Variants in CDH1 observed in about 807,000 individuals in gnomAD.
CDH1 encodes cadherin-1.
A neutral mutation model predicts 84.5 loss-of-function variants in CDH1; 35 were observed. That is an observed-to-expected ratio of 0.41 (90% CI 0.32 to 0.55). CDH1 has a LOEUF of 0.55. Ranked by LOEUF, CDH1 falls within the 20% of genes least tolerant of loss-of-function variation. CDH1 has a pLI of 0.19. For missense variants in CDH1, 994 were observed against 1,126.6 expected (o/e 0.88, Z 1.68); for synonymous variants, 417 against 439.0 (o/e 0.95, Z 0.63).
intron 2 of CDH1, among the ~76,000 whole-genome samples, chr16:68,791,542 C>T (rs1464124420): frequency 1.3e-5 from 2 of 151,614 alleles, no homozygotes; most frequent in Non-Finnish European, 2.9e-5. Context: ...CCTGCCTCAG[C>T]CTCCTAAATA....
intron 2 of CDH1, among the ~76,000 whole-genome samples, chr16:68,793,061 CAG>C (rs1271832601): frequency 1.3e-5 from 2 of 152,158 alleles, no homozygotes; most frequent in African/African-American, 2.4e-5. Flanking sequence ...CGCCTGTCAA[CAG>C]GGGTGCAGGA....
intron 2 of CDH1, among the ~76,000 whole-genome samples, chr16:68,757,251 G>C (rs1963039261): frequency 6.6e-6 from 1 of 151,972 alleles, no homozygotes; most frequent in Non-Finnish European, 1.5e-5. Flanking sequence ...ACCATGCCCG[G>C]CTAATTTTTG....
chr16:68,811,665 T>C lies in CDH1; in HGVS notation c.833-19T>C, dbSNP rs762712874. The stretch of plus-strand genomic sequence containing the variant: ...AAAGTGCAGCTTGTCTAAACCTTCA[T>C]CTCCTTGAACTCTTCCAGGAACCTC... On this transcript the variant is annotated intron_variant, in intron 6 of 15. Coordinates refer to ENST00000261769, the MANE Select transcript of CDH1 (RefSeq NM_004360.5). The C allele has an allele frequency of 3.1e-6, 5 of 1,612,700 alleles. No individual in the cohort carries two copies. In the South Asian group the frequency reaches 5.5e-5, roughly 18 times the overall value.
intron 2 of CDH1, among the ~76,000 whole-genome samples, chr16:68,794,258 C>T (rs1000708209): frequency 3.3e-5 from 5 of 152,006 alleles, no homozygotes; most frequent in Admixed American, 6.6e-5. Flanking sequence ...CTAGGGTGGT[C>T]TCAAACTCCT....
At chr16:68,780,972 C>T (rs867339663) in intron 2 of CDH1, among the ~76,000 whole-genome samples, 2 of 152,088 alleles carry the variant, frequency 1.3e-5, no homozygotes, top group African/African-American at 2.4e-5. Flanking sequence ...GTAGAGAAGA[C>T]GCCGTAGCAA....
intron 13 of CDH1, among the ~76,000 whole-genome samples, chr16:68,826,085 G>C (rs956362018): frequency 6.6e-6 from 1 of 152,058 alleles, no homozygotes; most frequent in African/African-American, 2.4e-5. Flanking sequence ...CTTCCAAAGT[G>C]TTGGGATTAT....
intron 13 of CDH1, among the ~76,000 whole-genome samples, chr16:68,827,619 A>G (rs1267543210): frequency 1.3e-5 from 2 of 152,160 alleles, no homozygotes; most frequent in Admixed American, 1.3e-4. Flanking sequence ...CCCACTCCCC[A>G]TAGCTGGTTA....
At chr16:68,758,748 C>T (rs919233446) in intron 2 of CDH1, among the ~76,000 whole-genome samples, 1 of 151,798 alleles carries the variant, frequency 6.6e-6, no homozygotes, top group Non-Finnish European at 1.5e-5. Context: ...CCCCTTATCA[C>T]TTTGCTCTTG....
intron 2 of CDH1, among the ~76,000 whole-genome samples, chr16:68,740,280 A>AT (rs972877845): frequency 2.8e-4 from 42 of 150,236 alleles, no homozygotes; most frequent in African/African-American, 3.4e-4. Flanking sequence ...TTGTCTTTAC[A>AT]TTTTTTTTTT....
chr16:68,790,497 A>C (rs1017176450), intron 2 of CDH1, among the ~76,000 whole-genome samples: 1 of 152,148 alleles, frequency 6.6e-6, no homozygotes, highest in Non-Finnish European at 1.5e-5. Flanking sequence ...GTTGTTACGC[A>C]TGCAGCCACA....
At chr16:68,788,330 G>A (rs536667068) in intron 2 of CDH1, among the ~76,000 whole-genome samples, 3 of 152,274 alleles carry the variant, frequency 2.0e-5, no homozygotes, top group Admixed American at 2.0e-4. Flanking sequence ...CACTGTAAGT[G>A]TACAGTTAGA....
intron 2 of CDH1, among the ~76,000 whole-genome samples, chr16:68,740,528 AG>A (rs1293307461): frequency 3.3e-5 from 5 of 152,022 alleles, no homozygotes; most frequent in African/African-American, 1.2e-4. Flanking sequence ...TTGGAGAGCA[AG>A]GCAGGGGCTA....
intron 2 of CDH1, among the ~76,000 whole-genome samples, chr16:68,753,236 A>G (rs1196402030): frequency 1.4e-5 from 2 of 144,678 alleles, no homozygotes; most frequent in Admixed American, 1.4e-4. Context: ...AAAAAAAGCA[A>G]GGCCTGCTTA....
chr16:68,819,962 G>A (rs1478651100), intron 11 of CDH1, among the ~76,000 whole-genome samples: 1 of 152,132 alleles, frequency 6.6e-6, no homozygotes, highest in Non-Finnish European at 1.5e-5. Flanking sequence ...ACTTAGAGAG[G>A]CTGAGGTGGG....
chr16:68,819,403 C>T lies in CDH1; in HGVS notation c.1689C>T (p.Ala563=), dbSNP rs587780786. ...ACGTGAAGAACAGCACGTACACAGC[C>T]CTAATCATAGCTACAGACAATGGTA... ...FEHVKNSTYT[A]LIIATDNGSP... The change falls in exon 11 of 16, where the codon GCC becomes GCT. Residue 563 remains alanine (A), a synonymous_variant. Coordinates refer to ENST00000261769, the MANE Select transcript of CDH1 (RefSeq NM_004360.5). 2.7e-5 allele frequency: 44 copies of T among 1,613,558 alleles called. No individual in the cohort carries two copies. Among genetic ancestry groups the T allele is most frequent in the Non-Finnish European group, 3.5e-5 (41 of 1,180,032 alleles).
intron 2 of CDH1, among the ~76,000 whole-genome samples, chr16:68,785,402 G>T (rs1213359427): frequency 6.6e-6 from 1 of 152,106 alleles, no homozygotes; most frequent in Non-Finnish European, 1.5e-5. Context: ...ATGTTGGCCA[G>T]GCTGGTCTCC....
chr16:68,747,357 G>A (rs745443447), intron 2 of CDH1, among the ~76,000 whole-genome samples: 13 of 151,994 alleles, frequency 8.6e-5, no homozygotes, highest in Non-Finnish European at 1.3e-4. Flanking sequence ...AGAGGCAGCT[G>A]GGCCAGGGTA....
chr16:68,829,547 G>A (rs1961420022), intron 14 of CDH1, 107 bp from the exon 15 acceptor site: 1 of 1,060,316 alleles, frequency 9.4e-7, no homozygotes, highest in South Asian at 1.3e-5. Context: ...TCATACAGTT[G>A]GCAGTGAAGG....
intron 15 of CDH1, 95 bp from the exon 16 acceptor site, chr16:68,833,195 C>T (rs899703294): frequency 7.8e-6 from 8 of 1,020,886 alleles, no homozygotes; most frequent in Middle Eastern, 2.6e-4. Context: ...AGTCTGGGTG[C>T]ATTGTCGTAC....
Sources: gnomAD v4.1 joint callset for allele counts (sites outside exome capture counted in the v4.1 genomes callset) on GRCh38, gnomAD v4.1.1 for gene constraint, MANE v1.5 for transcripts, NCBI Gene and HGNC (gene_info 2026-07-23, HGNC 2026-07-21) for gene names.